The following NELL1 variants were observed in gnomAD, a reference collection of about 807,000 sequenced individuals.
NELL1 encodes the protein neural EGFL like 1.
In NELL1, 76 loss-of-function variants were observed where a neutral mutation model predicts 107.4. The ratio of observed to expected loss-of-function variants is 0.71; its 90% CI spans 0.59 to 0.86. NELL1 has a LOEUF of 0.86. NELL1 is among the 40% of genes least tolerant of loss of function. The probability of loss-of-function intolerance (pLI) is 0.00; values close to 1 mark genes in which losing one functional copy is unlikely to be tolerated. For missense variants in NELL1, 1,024 were observed against 1,005.5 expected, an observed-to-expected ratio of 1.02 and a Z score of -0.25; for synonymous variants, 353 against 341.2, an observed-to-expected ratio of 1.03 and a Z score of -0.38.
At chr11:21,332,114 T>C (rs1452312880) in intron 14 of NELL1, among the ~76,000 whole-genome samples, 1 of 152,210 alleles carries the variant, frequency 6.6e-6, no homozygotes, top group Admixed American at 6.6e-5. Flanking sequence ...CAGCTCTTAC[T>C]GATCAGAACT....
intron 13 of NELL1, among the ~76,000 whole-genome samples, chr11:21,197,244 A>G (rs1379376708): frequency 6.6e-6 from 1 of 151,786 alleles, no homozygotes; most frequent in African/African-American, 2.4e-5. Context: ...ATGACAGATA[A>G]CACATAAAAA....
At chr11:21,336,516 A>G (rs544650605) in intron 14 of NELL1, among the ~76,000 whole-genome samples, 9 of 151,958 alleles carry the variant, frequency 5.9e-5, no homozygotes, top group Non-Finnish European at 1.3e-4. Flanking sequence ...GCCCCCACAA[A>G]AAAAAGAAGG....
At chr11:21,268,073 C>T (rs1314412396) in intron 14 of NELL1, among the ~76,000 whole-genome samples, 1 of 152,016 alleles carries the variant, frequency 6.6e-6, no homozygotes, top group African/African-American at 2.4e-5. Context: ...ACTGCTGCCC[C>T]CCAAACTGGA....
At chr11:21,184,289 G>A (rs1288003716) in intron 13 of NELL1, among the ~76,000 whole-genome samples, 3 of 151,616 alleles carry the variant, frequency 2.0e-5, no homozygotes. Context: ...TTGTTTTTGA[G>A]ATGGAGTCTT....
At chr11:20,774,209 T>G (rs12417542) in intron 2 of NELL1, among the ~76,000 whole-genome samples, 2 of 83,130 alleles carry the variant, frequency 2.4e-5, no homozygotes, top group Non-Finnish European at 4.6e-5. Flanking sequence ...GTCCACTTAC[T>G]TTCCCTCCCT....
At chr11:21,042,430 C>T (rs1020232836) in intron 12 of NELL1, among the ~76,000 whole-genome samples, 4 of 152,132 alleles carry the variant, frequency 2.6e-5, no homozygotes, top group African/African-American at 9.7e-5. Context: ...TGAGAGGCAA[C>T]AGGACAAGGG....
intron 14 of NELL1, among the ~76,000 whole-genome samples, chr11:21,296,207 T>C (rs1283658196): frequency 6.6e-6 from 1 of 151,978 alleles, no homozygotes; most frequent in Non-Finnish European, 1.5e-5. Context: ...TTCTGTTATT[T>C]TGAACACAAG....
intron 7 of NELL1, among the ~76,000 whole-genome samples, chr11:20,922,293 C>A (rs1850396578): frequency 6.6e-6 from 1 of 152,124 alleles, no homozygotes; most frequent in Admixed American, 6.6e-5. Context: ...GGGATCCCTG[C>A]AGTCACTTTG....
At chr11:20,768,496 C>G (rs12419302) in intron 2 of NELL1, among the ~76,000 whole-genome samples, 30,065 of 152,168 alleles carry the variant, frequency 0.2, 3,117 homozygotes, top group Admixed American at 0.29. Flanking sequence ...TGCTGCCCTC[C>G]TTCCCAGTGA....
At chr11:20,812,192 G>A (rs1202173627) in intron 3 of NELL1, among the ~76,000 whole-genome samples, 20 of 152,148 alleles carry the variant, frequency 1.3e-4, no homozygotes, top group Non-Finnish European at 1.5e-5. Flanking sequence ...CTATTGAGAT[G>A]ATCATATTTT....
At chr11:21,088,884 A>G (rs1262743066) in intron 12 of NELL1, among the ~76,000 whole-genome samples, 1 of 152,196 alleles carries the variant, frequency 6.6e-6, no homozygotes, top group African/African-American at 2.4e-5. Context: ...TGTTGGGGTC[A>G]TGGGGAATTT....
chr11:20,714,726 A>G (rs933169415), intron 2 of NELL1, among the ~76,000 whole-genome samples: 6 of 152,032 alleles, frequency 3.9e-5, no homozygotes, highest in African/African-American at 1.4e-4. Context: ...TAATGTTATT[A>G]TTAAGAGTAT....
chr11:21,019,074 A>G (rs561415443), intron 12 of NELL1, among the ~76,000 whole-genome samples: 2 of 152,202 alleles, frequency 1.3e-5, no homozygotes, highest in African/African-American at 4.8e-5. Context: ...TTGAGATAAA[A>G]GGGTCTGGGC....
chr11:20,684,598 A>G (rs761757826), intron 2 of NELL1, among the ~76,000 whole-genome samples: 6 of 151,984 alleles, frequency 3.9e-5, no homozygotes, highest in Non-Finnish European at 8.8e-5. Flanking sequence ...TTTTCTCCTC[A>G]TTACTTCTTC....
chr11:21,472,727 A>G (rs1854214059), intron 15 of NELL1, among the ~76,000 whole-genome samples: 2 of 151,882 alleles, frequency 1.3e-5, no homozygotes. Context: ...TGCTGTTGAT[A>G]TCTGCTGAGA....
At chr11:21,045,638 G>C (rs888333973) in intron 12 of NELL1, among the ~76,000 whole-genome samples, 1 of 152,020 alleles carries the variant, frequency 6.6e-6, no homozygotes, top group Non-Finnish European at 1.5e-5. Flanking sequence ...TTTTATTTTA[G>C]AACTTTTCTG....
intron 12 of NELL1, among the ~76,000 whole-genome samples, chr11:20,995,426 A>T (rs545048536): frequency 6.6e-6 from 1 of 152,128 alleles, no homozygotes; most frequent in African/African-American, 2.4e-5. Flanking sequence ...AAAATATAAA[A>T]AATTAGCCGC....
intron 13 of NELL1, among the ~76,000 whole-genome samples, chr11:21,160,626 T>C (rs1856342854): frequency 6.6e-6 from 1 of 152,206 alleles, no homozygotes; most frequent in Non-Finnish European, 1.5e-5. Flanking sequence ...TGAAATTTCC[T>C]TTTGTTTAAA....
intron 3 of NELL1, among the ~76,000 whole-genome samples, chr11:20,805,825 CAACTT>C (rs1286603557): frequency 6.6e-6 from 1 of 152,200 alleles, no homozygotes; most frequent in Non-Finnish European, 1.5e-5. Context: ...AAGCTGATCA[CAACTT>C]AACACCGAGT....
Sources: allele counts gnomAD v4.1 joint callset (sites outside exome capture counted in the v4.1 genomes callset), GRCh38; gene constraint gnomAD v4.1.1; transcripts MANE v1.5; gene names NCBI Gene and HGNC (gene_info 2026-07-23, HGNC 2026-07-21).